Variants in ATP6V1B2 observed in about 807,000 individuals in gnomAD.
ATP6V1B2 encodes V-type proton ATPase subunit B, brain isoform.
Under a neutral mutation model 66.7 loss-of-function variants are expected in ATP6V1B2, and 23 were observed. The observed-to-expected ratio is 0.34, with a 90% confidence interval of 0.25 to 0.49. ATP6V1B2 has a LOEUF of 0.49. ATP6V1B2 is among the 20% of genes least tolerant of loss of function. The pLI is 0.99. For synonymous variants in ATP6V1B2, 278 were observed against 236.7 expected (o/e 1.17, Z -1.60); for missense variants, 478 against 650.8 (o/e 0.73, Z 2.89).
intron 3 of ATP6V1B2, 63 bp from the exon 4 acceptor site, chr8:20,210,283 A>G (rs1431014881): frequency 7.1e-7 from 1 of 1,403,576 alleles, no homozygotes; most frequent in Non-Finnish European, 1.0e-6. Context: ...ACAGACAAAT[A>G]AAATGTAAAT....
Position 20,217,408 on chromosome 8 carries a change from C to T in ATP6V1B2, c.1266+84C>T. 5 of 1,186,772 alleles carry T rather than the reference C, an allele frequency of 4.2e-6. No individual in the cohort carries two copies. In the South Asian group the frequency reaches 4.9e-5, roughly 12 times the overall value. The allele number at this position is 1,186,772 out of a possible 1,614,324, so 73.5% of individuals were successfully genotyped here. A position where few individuals can be genotyped will look rare whatever the true frequency, so the allele number is the denominator to read the frequency against. On this transcript the variant is annotated intron_variant, in intron 12 of 13. Transcript: ENST00000276390. ...CACCTCTTGTCTTTCACCCTTACCACTTCTCTCTTCCCCATCCACATGGAA... is the reference window on the plus strand; with the variant it reads ...CACCTCTTGTCTTTCACCCTTACCATTTCTCTCTTCCCCATCCACATGGAA...
intron 7 of ATP6V1B2, 103 bp from the exon 8 acceptor site, chr8:20,211,999 G>A (rs2072800285): frequency 3.5e-6 from 4 of 1,159,398 alleles, no homozygotes; most frequent in South Asian, 3.0e-5. Context: ...GGTACTTGAG[G>A]TTTTAAAAGA....
At chr8:20,211,854 A>G in intron 7 of ATP6V1B2, 101 bp downstream of exon 7, 1 of 1,042,406 alleles carries the variant, frequency 9.6e-7, no homozygotes, top group Non-Finnish European at 1.4e-6. Flanking sequence ...TTCTTTAGGT[A>G]AAGAATTTGC....
Position 20,220,360 on chromosome 8 carries a change from C to T in ATP6V1B2, c.1494C>T (p.Ser498=). The change falls in exon 14 of 14, where the codon AGC becomes AGT. Residue 498 remains serine, a synonymous_variant. Coordinates refer to ENST00000276390, the MANE Select transcript of ATP6V1B2 (RefSeq NM_001693.4). ...PKEMLKRIPQ[S]TLSEFYPRDS... ...AAATGCTGAAGAGAATCCCTCAGAGCACCCTCAGCGAATTTTACCCTCGAG... is the reference window on the plus strand; with the variant it reads ...AAATGCTGAAGAGAATCCCTCAGAGTACCCTCAGCGAATTTTACCCTCGAG... 1 of 1,592,866 alleles carries T rather than the reference C, an allele frequency of 6.3e-7. No individual in the cohort carries two copies. The highest frequency in any genetic ancestry group is 8.5e-7 in the Non-Finnish European group (1 of 1,172,528).
intron 1 of ATP6V1B2, among the ~76,000 whole-genome samples, chr8:20,201,565 C>G (rs1314919905): frequency 6.6e-6 from 1 of 152,086 alleles, no homozygotes. Context: ...GATCTCCATA[C>G]TTTTTAATTG....
intron 9 of ATP6V1B2, 54 bp from the exon 10 acceptor site, chr8:20,214,764 A>T (rs760841366): frequency 4.4e-5 from 67 of 1,508,842 alleles, no homozygotes; most frequent in Non-Finnish European, 5.8e-5. Context: ...ACATGTTGTA[A>T]GCAAGCTTGT....
chr8:20,217,450 A>T (rs2072867527), intron 12 of ATP6V1B2, 126 bp downstream of exon 12: 1 of 794,168 alleles, frequency 1.3e-6, no homozygotes. Flanking sequence ...TGTAGGCTTG[A>T]TGTGGAATAC....
intron 6 of ATP6V1B2, 134 bp from the exon 7 acceptor site, chr8:20,211,518 T>C: frequency 3.2e-6 from 4 of 1,269,730 alleles, no homozygotes; most frequent in Non-Finnish European, 3.2e-6. Context: ...TACAAAATAG[T>C]TTTGTTGAAT....
chr8:20,197,569 C>A, intron 1 of ATP6V1B2, 27 bp downstream of exon 1: 4 of 1,349,984 alleles, frequency 3.0e-6, no homozygotes, highest in East Asian at 2.8e-5. Context: ...AATACGTCTC[C>A]GGTCTTTGCT....
chr8:20,206,781 A>G (rs1014287973), intron 2 of ATP6V1B2, among the ~76,000 whole-genome samples: 6 of 152,082 alleles, frequency 3.9e-5, no homozygotes, highest in South Asian at 2.1e-4. Flanking sequence ...TGATTAGTCA[A>G]TTTCCAGTAC....
At chr8:20,211,343 A>G (rs745854314) in intron 6 of ATP6V1B2, 27 bp downstream of exon 6, 2 of 1,598,214 alleles carry the variant, frequency 1.3e-6, no homozygotes, top group African/African-American at 1.4e-5. Context: ...GTTTGCTATG[A>G]AGTTTAGCAG....
rs1030664115 is a variant in ATP6V1B2, at chr8:20,214,848, C to T, written c.958C>T (p.Arg320Ter). ...AGCAGCCAGGGAAGAGGTACCTGGTCGACGAGGTTTTCCAGGTTACATGTA... is the reference window on the plus strand; with the variant it reads ...AGCAGCCAGGGAAGAGGTACCTGGTTGACGAGGTTTTCCAGGTTACATGTA... ...VSAAREEVPG[R>*]RGFPGYMYTD... Residue 320 changes from arginine (R) to a stop codon, truncating the protein, a stop_gained, in exon 10 of 14, where the codon CGA (arginine) becomes TGA (stop). Coordinates refer to ENST00000276390, the MANE Select transcript of ATP6V1B2 (RefSeq NM_001693.4). LOFTEE classifies it high-confidence loss of function. 2.5e-6 allele frequency: 4 copies of T among 1,612,078 alleles called. No homozygotes were observed. The highest frequency in any genetic ancestry group is 2.5e-6 in the Non-Finnish European group (3 of 1,178,946).
chr8:20,205,057 G>T (rs1048313048), intron 2 of ATP6V1B2, among the ~76,000 whole-genome samples: 1 of 152,262 alleles, frequency 6.6e-6, no homozygotes, highest in Non-Finnish European at 1.5e-5. Flanking sequence ...GATATGTGCT[G>T]CAGATTGATT....
At position 20,197,457 on chromosome 8, in the gene ATP6V1B2, A is replaced by T; in HGVS notation, c.51A>T (p.Leu17=). 6.5e-7 allele frequency: 1 copy of T among 1,530,352 alleles called. No individual in the cohort carries two copies. The highest frequency in any genetic ancestry group is 1.2e-5 in the South Asian group (1 of 83,140). The allele number at this position is 1,530,352 out of a possible 1,614,324, so 94.8% of individuals were successfully genotyped here. ...TTGTCAACGGGGCCGCACCCGAGCT[A>T]CCCGTGCCCACCGGTGGGCCGGCGG... ...RGIVNGAAPE[L]PVPTGGPAVG... The change falls in exon 1 of 14, where the codon CTA becomes CTT. Residue 17 remains leucine (L), a synonymous_variant. Transcript: ENST00000276390.
intron 5 of ATP6V1B2, among the ~76,000 whole-genome samples, 162 bp from the exon 6 acceptor site, chr8:20,211,015 T>G (rs1169192124): frequency 6.6e-6 from 1 of 152,052 alleles, no homozygotes; most frequent in Non-Finnish European, 1.5e-5. Flanking sequence ...ATTTCAAGTT[T>G]CATATTTGAA....
intron 1 of ATP6V1B2, 52 bp from the exon 2 acceptor site, chr8:20,204,432 T>A: frequency 3.3e-6 from 5 of 1,520,814 alleles, no homozygotes; most frequent in Non-Finnish European, 4.5e-6. Context: ...GAGAGCTAAT[T>A]TAAGCTTTTG....
intron 11 of ATP6V1B2, chr8:20,216,867 AT>A (rs1487136879): frequency 3.6e-5 from 9 of 250,728 alleles, no homozygotes; most frequent in East Asian, 8.3e-5. Flanking sequence ...ATTATTGTTA[AT>A]TTTTTTTATT....
chr8:20,209,403 G>C (rs1301630217), intron 2 of ATP6V1B2, 30 bp from the exon 3 acceptor site: 1 of 1,601,570 alleles, frequency 6.2e-7, no homozygotes, highest in East Asian at 2.2e-5. Flanking sequence ...TAAAATGTCG[G>C]ATATTGATCC....
At chr8:20,213,244 T>C (rs2072813228) in intron 9 of ATP6V1B2, 1 of 268,184 alleles carries the variant, frequency 3.7e-6, no homozygotes, top group Non-Finnish European at 7.2e-6. Context: ...TTAAACCTTT[T>C]TGTAATTCCA....
Sources: allele counts gnomAD v4.1 joint callset (sites outside exome capture counted in the v4.1 genomes callset), GRCh38; gene constraint gnomAD v4.1.1; transcripts MANE v1.5; gene names NCBI Gene and HGNC (gene_info 2026-07-23, HGNC 2026-07-21).